Variants in ADAMTSL4 observed in about 807,000 individuals in gnomAD.
ADAMTSL4 encodes ADAMTS like 4, also known as ADAMTS-like protein 4.
In ADAMTSL4, 97 loss-of-function variants were observed where a neutral mutation model predicts 122.8. That is an observed-to-expected ratio of 0.79 (90% CI 0.67 to 0.93). ADAMTSL4 has a LOEUF of 0.93. Among genes scored for constraint, ADAMTSL4 ranks in the 40% least tolerant of loss-of-function variants. The probability of loss-of-function intolerance (pLI) is 0.00; values close to 1 mark genes in which losing one functional copy is unlikely to be tolerated. For synonymous variants in ADAMTSL4, 592 were observed against 568.0 expected, an observed-to-expected ratio of 1.04 and a Z score of -0.60; for missense variants, 1,408 against 1,453.5, an observed-to-expected ratio of 0.97 and a Z score of 0.51.
chr1:150,553,484 G>A lies in ADAMTSL4; in HGVS notation c.493G>A (p.Ala165Thr). ...GTTCGGTTATGGGAGAGTGCCCTTT[G>A]CATTGCCACTGCACCGGAACCGCAG... Reference protein sequence around the residue: ...GMFGYGRVPFALPLHRNRRHP... With the variant: ...GMFGYGRVPFTLPLHRNRRHP... Residue 165 changes from alanine (A) to threonine (T), a missense_variant, in exon 6 of 19, where the codon GCA (alanine) becomes ACA (threonine). By Grantham distance (58) the Ala-to-Thr change is moderately conservative (BLOSUM62 0). Transcript: ENST00000271643. The A allele has an allele frequency of 6.2e-7, 1 of 1,613,904 alleles. No individual in the cohort carries two copies. Among genetic ancestry groups the A allele is most frequent in the Non-Finnish European group, 8.5e-7 (1 of 1,179,958 alleles).
In ADAMTSL4 at chr1:150,553,776, C is replaced by T. The variant is rs1671695619; in HGVS notation, c.785C>T (p.Pro262Leu). 7 of 1,613,930 alleles carry T rather than the reference C, an allele frequency of 4.3e-6. No individual in the cohort carries two copies. Among genetic ancestry groups the T allele is most frequent in the Non-Finnish European group, 5.9e-6 (7 of 1,179,912 alleles). ...AGAGCCCAGGCCTCTGGCACAGAGC[C>T]CCCCTCACCCACGCACTCCTTAGGA... Reference protein sequence around the residue: ...HPRAQASGTEPPSPTHSLGEG... With the variant: ...HPRAQASGTELPSPTHSLGEG... The change falls in exon 6 of 19, where the codon CCC becomes CTC. Residue 262 changes from proline to leucine, a missense_variant. Coordinates refer to ENST00000271643, the MANE Select transcript of ADAMTSL4 (RefSeq NM_019032.6).
Position 150,554,240 on chromosome 1 carries a change from A to G in ADAMTSL4, c.1131+118A>G. On this transcript the variant is annotated intron_variant, in intron 6 of 18. Transcript: ENST00000271643. The surrounding 1 kb of genome is among the most constrained non-coding windows in gnomAD (Gnocchi z 4.0). The stretch of plus-strand genomic sequence containing the variant: ...GGGAGAAGGGCCTTGGCATCTGACC[A>G]CCTCAGGGCAGGGGTCTTGGAGCTC... 1 of 1,437,116 alleles carries G rather than the reference A, an allele frequency of 7.0e-7. No homozygotes were observed. Among genetic ancestry groups the G allele is most frequent in the Non-Finnish European group, 9.7e-7 (1 of 1,032,688 alleles). The allele number at this position is 1,437,116 out of a possible 1,614,324, so 89.0% of individuals were successfully genotyped here.
rs1227576240 is a variant in ADAMTSL4 at position 150,557,081 on chromosome 1, G to A, written c.1861+31G>A. 1.9e-6 allele frequency: 3 copies of A among 1,612,872 alleles called. No individual in the cohort carries two copies. The Middle Eastern group carries it at 4.9e-4, about 266-fold the overall frequency. On this transcript the variant is annotated intron_variant, in intron 11 of 18. Coordinates refer to ENST00000271643, the MANE Select transcript of ADAMTSL4 (RefSeq NM_019032.6). Reference sequence around the variant, plus strand: ...ACTCTGACCCCTGCACTTGGAAGGAGGAGGGAGAGGCTGCAGGGCTGGCTC... The same window carrying A: ...ACTCTGACCCCTGCACTTGGAAGGAAGAGGGAGAGGCTGCAGGGCTGGCTC...
At position 150,556,963 on chromosome 1, in the gene ADAMTSL4, G is replaced by A. The variant is rs1001450254; in HGVS notation, c.1774G>A (p.Gly592Ser). 10 of 1,613,962 alleles carry A rather than the reference G, an allele frequency of 6.2e-6. No homozygotes were observed. Among genetic ancestry groups the A allele is most frequent in the Middle Eastern group, 1.6e-4 (1 of 6,082 alleles). ...VYMIFQEENP[G>S]VFYQYVISSP... Reference sequence around the variant, plus strand: ...GATGATCTTTCAGGAGGAAAACCCAGGCGTTTTTTATCAGTATGTCATCTC... The same window carrying A: ...GATGATCTTTCAGGAGGAAAACCCAAGCGTTTTTTATCAGTATGTCATCTC... The change falls in exon 11 of 19, where the codon GGC (glycine) becomes AGC (serine). Residue 592 changes from glycine (G) to serine (S), a missense_variant. Physicochemically the swap from Gly to Ser is moderately conservative, Grantham distance 56. Transcript: ENST00000271643. The surrounding 1 kb of genome is among the most constrained non-coding windows in gnomAD (Gnocchi z 4.1).
At chr1:150,551,253 A>G (rs985127974) in intron 2 of ADAMTSL4, 7 of 350,716 alleles carry the variant, frequency 2.0e-5, no homozygotes, top group African/African-American at 1.3e-4. Context: ...CACAGGAAAC[A>G]AGCCCTCACT....
chr1:150,553,356 G>A (rs1254249365), intron 5 of ADAMTSL4, 70 bp from the exon 6 acceptor site: 2 of 1,606,688 alleles, frequency 1.2e-6, no homozygotes, highest in Non-Finnish European at 1.7e-6. Context: ...TTTGGTGCCA[G>A]GAAGTAAACT....
chr1:150,551,072 C>A, intron 2 of ADAMTSL4: 1 of 449,534 alleles, frequency 2.2e-6, no homozygotes, highest in Non-Finnish European at 4.5e-6. Context: ...AAGAAGGGGG[C>A]AAAGAGAGTC....
rs1560302713 is a variant in ADAMTSL4, at chr1:150,558,577, G to A, written c.2487G>A (p.Gln829=). The A allele has an allele frequency of 1.9e-6, 3 of 1,613,626 alleles. No homozygotes were observed. The highest frequency in any genetic ancestry group is 2.2e-5 in the East Asian group (1 of 44,868). ...SEQECASGPP[Q]PPSREACDMG... is the part of the protein sequence containing the mutation. ...AGGAGTGTGCGTCAGGCCCCCCGCA[G>A]CCCCCCAGCAGAGAGGCCTGTGACA... The change falls in exon 15 of 19, where the codon CAG becomes CAA. Residue 829 remains glutamine (Q), a synonymous_variant. Coordinates refer to ENST00000271643, the MANE Select transcript of ADAMTSL4 (RefSeq NM_019032.6).
intron 8 of ADAMTSL4, chr1:150,555,859 G>GCATGAACA (rs1210868631): frequency 5.0e-6 from 3 of 604,424 alleles, no homozygotes; most frequent in African/African-American, 3.7e-5. Flanking sequence ...AGACACACAT[G>GCATGAACA]CATGAACACA....
chr1:150,560,157 C>T lies in ADAMTSL4; in HGVS notation c.3186C>T (p.Cys1062=), dbSNP rs368062133. ...ACACAGCCACCTGTTGCCGCTCTTG[C>T]GCACATGTCCTGGAGCGGTCTCCCC... ...PYYTATCCRS[C]AHVLERSPQD... is the part of the protein sequence containing the mutation. The change falls in exon 19 of 19, where the codon TGC becomes TGT. Residue 1062 remains cysteine, a synonymous_variant. Transcript: ENST00000271643. 7.6e-5 allele frequency: 123 copies of T among 1,613,946 alleles called. No homozygotes were observed. The highest frequency in any genetic ancestry group is 1.0e-4 in the Non-Finnish European group (118 of 1,180,016).
chr1:150,556,431 A>G lies in ADAMTSL4; in HGVS notation c.1576+65A>G, dbSNP rs903639294. The G allele has an allele frequency of 3.7e-6, 6 of 1,601,528 alleles. No individual in the cohort carries two copies. In the African/African-American group the frequency reaches 6.7e-5, roughly 18 times the overall value. On this transcript the variant is annotated intron_variant, in intron 9 of 18. Coordinates refer to ENST00000271643, the MANE Select transcript of ADAMTSL4 (RefSeq NM_019032.6). The surrounding 1 kb of genome is among the most constrained non-coding windows in gnomAD (Gnocchi z 4.1). The stretch of plus-strand genomic sequence containing the variant: ...TTCGGCCCTCCATACCCCTACTCAG[A>G]GCAGTGAGCAAGCCAAACAGGGGGA...
intron 11 of ADAMTSL4, 48 bp from the exon 12 acceptor site, chr1:150,557,102 G>A (rs1482017313): frequency 1.9e-6 from 3 of 1,613,182 alleles, no homozygotes; most frequent in Non-Finnish European, 2.5e-6. Flanking sequence ...CTGCAGGGCT[G>A]GCTCGGGGCA....
At position 150,560,298 on chromosome 1, in the gene ADAMTSL4, C is replaced by T. The variant is rs1452756261; in HGVS notation, c.*102C>T. On this transcript the variant is annotated 3_prime_UTR_variant, in exon 19 of 19. Transcript: ENST00000271643. ...GCTCTCCAGCCTGTCCCAGTCTCAG[C>T]AGGGATGTCCTCCAGGTGACAGAGG... is the stretch of plus-strand genomic sequence containing the variant. The T allele has an allele frequency of 1.2e-5, 18 of 1,526,284 alleles. No individual in the cohort carries two copies. The highest frequency in any genetic ancestry group is 1.6e-5 in the Non-Finnish European group (18 of 1,128,616). 94.5% of individuals were successfully genotyped at this position (1,526,284 alleles called of 1,614,324 possible).
chr1:150,550,004 C>A (rs1044156795), intron 2 of ADAMTSL4, 109 bp downstream of exon 2: 2 of 273,970 alleles, frequency 7.3e-6, no homozygotes, highest in Admixed American at 4.4e-5. Context: ...TCTGAGGGCC[C>A]GGGAATTCGG....
chr1:150,550,115 C>T (rs1390857148), intron 2 of ADAMTSL4: 7 of 417,314 alleles, frequency 1.7e-5, no homozygotes, highest in Non-Finnish European at 2.9e-5. Context: ...CTGCGCAGGT[C>T]TCTGTTCCTT....
intron 8 of ADAMTSL4, 66 bp downstream of exon 8, chr1:150,555,631 G>A: frequency 6.4e-7 from 1 of 1,562,318 alleles, no homozygotes; most frequent in East Asian, 2.4e-5. Flanking sequence ...GCCCCCATAT[G>A]CATACACATG....
Position 150,549,992 on chromosome 1 carries a change from G to GCC in ADAMTSL4, c.-85+98_-85+99insCC. 1 of 229,950 alleles carries GCC rather than the reference G, an allele frequency of 4.3e-6. No homozygotes were observed. Among genetic ancestry groups the GCC allele is most frequent in the Non-Finnish European group, 9.7e-6 (1 of 102,614 alleles). The allele number at this position is 229,950 out of a possible 1,614,324, so 14.2% of individuals were successfully genotyped here. A position where few individuals can be genotyped will look rare whatever the true frequency, so the allele number is the denominator to read the frequency against. The stretch of plus-strand genomic sequence containing the variant: ...GGCCTGCCAGACCCAGGAGTGGAGG[G>GCC]CTCTGAGGGCCCGGGAATTCGGACT... On this transcript the variant is annotated intron_variant, in intron 2 of 18. Transcript: ENST00000271643. The surrounding 1 kb of genome is among the most constrained non-coding windows in gnomAD (Gnocchi z 5.0).
Position 150,556,376 on chromosome 1 carries a change from C to G in ADAMTSL4, c.1576+10C>G, listed in dbSNP as rs755036912. The G allele has an allele frequency of 2.0e-5, 32 of 1,613,610 alleles. No homozygotes were observed. The highest frequency in any genetic ancestry group is 5.1e-6 in the Non-Finnish European group (6 of 1,179,948). ...AGCTCCAACTACCTGGGTGAGCACC[C>G]AGCTGCCTCCCCTTCCACTTCCGTC... On this transcript the variant is annotated intron_variant, in intron 9 of 18. Coordinates refer to ENST00000271643, the MANE Select transcript of ADAMTSL4 (RefSeq NM_019032.6). This position sits in a 1 kb window ranked among gnomAD's most constrained non-coding sequence, Gnocchi z 4.1.
At position 150,554,573 on chromosome 1, in the gene ADAMTSL4, G is replaced by A; in HGVS notation, c.1234+106G>A. On this transcript the variant is annotated intron_variant, in intron 7 of 18. Transcript: ENST00000271643. This position sits in a 1 kb window ranked among gnomAD's most constrained non-coding sequence, Gnocchi z 4.0. ...GCCCTGAATGACTTCCAGCCCCTCT[G>A]CTTCCCCTGCGCCATGCCTTCTTTC... 6.4e-7 allele frequency: 1 copy of A among 1,558,280 alleles called. No homozygotes were observed. Among genetic ancestry groups the A allele is most frequent in the Non-Finnish European group, 8.7e-7 (1 of 1,150,964 alleles).
Sources: allele counts gnomAD v4.1 joint callset, GRCh38; gene constraint gnomAD v4.1.1; non-coding constraint Gnocchi (gnomAD v3.1); transcripts MANE v1.5; gene names NCBI Gene and HGNC (gene_info 2026-07-23, HGNC 2026-07-21).